NPAS3: variants seen among roughly 807,000 people sequenced by gnomAD.
The protein encoded by NPAS3 is neuronal PAS domain-containing protein 3.
Under a neutral mutation model 73.1 loss-of-function variants are expected in NPAS3, and 14 were observed. The observed-to-expected ratio is 0.19, with a 90% CI of 0.13 to 0.30. The LOEUF (loss-of-function observed/expected upper bound fraction) is 0.30, where lower values mean the gene tolerates loss of function less well. NPAS3 is among the 10% of genes least tolerant of loss of function. The pLI is 1.00. For synonymous variants in NPAS3, 620 were observed against 541.5 expected (o/e 1.14, Z -2.01); for missense variants, 1,096 against 1,250.0 (o/e 0.88, Z 1.86).
intron 3 of NPAS3, among the ~76,000 whole-genome samples, chr14:33,229,337 T>G (rs1162806260): frequency 6.6e-6 from 1 of 152,192 alleles, no homozygotes; most frequent in South Asian, 2.1e-4. Context: ...TGTGAAATCT[T>G]AATGTATGTA....
intron 5 of NPAS3, among the ~76,000 whole-genome samples, chr14:33,657,296 G>C (rs558374931): frequency 6.6e-6 from 1 of 152,210 alleles, no homozygotes; most frequent in South Asian, 2.1e-4. Context: ...GAGGAGAGAG[G>C]CCACATACAG....
In NPAS3 at chr14:33,800,796, G is replaced by T. The variant is rs2063689186; in HGVS notation, c.2489G>T (p.Arg830Leu). Residue 830 changes from arginine to leucine, a missense_variant, in exon 12 of 12, where the codon CGC becomes CTC. Physicochemically the swap from Arg to Leu is moderately radical, Grantham distance 102. Transcript: ENST00000356141. The surrounding 1 kb of genome is among the most constrained non-coding windows in gnomAD (Gnocchi z 6.5). ...AGGGTCTACACCACGGGCACCATCC[G>T]CTACGCGCCCGCCGAGGTGACCCTG... 3.1e-6 allele frequency: 5 copies of T among 1,590,208 alleles called. No homozygotes were observed. The highest frequency in any genetic ancestry group is 4.3e-6 in the Non-Finnish European group (5 of 1,169,420).
At chr14:33,684,207 C>A (rs915679360) in intron 6 of NPAS3, among the ~76,000 whole-genome samples, 4 of 139,954 alleles carry the variant, frequency 2.9e-5, no homozygotes, top group African/African-American at 1.1e-4. Flanking sequence ...CTCTTATGCA[C>A]GTATTTCATT....
chr14:33,565,892 T>A (rs943545190), intron 5 of NPAS3, among the ~76,000 whole-genome samples: 3 of 151,994 alleles, frequency 2.0e-5, no homozygotes, highest in Non-Finnish European at 4.4e-5. Context: ...TACCTTAATT[T>A]TTTTAAAAAA....
intron 5 of NPAS3, chr14:33,612,449 C>A (rs2057781469): frequency 2.2e-6 from 1 of 455,928 alleles, no homozygotes; most frequent in South Asian, 1.5e-5. Flanking sequence ...GACGTCCAAG[C>A]AGATGTTCTG....
intron 2 of NPAS3, among the ~76,000 whole-genome samples, chr14:33,102,559 GT>G (rs1310641201): frequency 1.3e-5 from 2 of 152,158 alleles, no homozygotes; most frequent in Non-Finnish European, 2.9e-5. Context: ...CCCAATAAAT[GT>G]TAACTGTTTG....
intron 7 of NPAS3, among the ~76,000 whole-genome samples, chr14:33,746,695 T>C (rs2061810807): frequency 6.6e-6 from 1 of 151,790 alleles, no homozygotes. Flanking sequence ...ATTAGAAAGG[T>C]TAAGTAACTG....
intron 4 of NPAS3, among the ~76,000 whole-genome samples, chr14:33,559,135 A>G (rs2055509289): frequency 6.6e-6 from 1 of 152,206 alleles, no homozygotes; most frequent in South Asian, 2.1e-4. Context: ...GATGATGTGT[A>G]GCATCCTTTT....
At chr14:33,787,988 G>A (rs1319525567) in intron 9 of NPAS3, among the ~76,000 whole-genome samples, 2 of 152,164 alleles carry the variant, frequency 1.3e-5, no homozygotes, top group Non-Finnish European at 2.9e-5. Context: ...AAGAAAGAAA[G>A]TCCTGTTTCC....
In NPAS3 at chr14:33,477,672, C is replaced by T. The variant is rs144373555; in HGVS notation, c.469-82449C>T. 7.2e-5 allele frequency among the ~76,000 whole-genome samples: 11 copies of T among 152,244 alleles called. 1 individual carries two copies. The highest frequency in any genetic ancestry group is 2.6e-4 in the African/African-American group (11 of 41,548). ...ACTTCGGATCCAAAAGCCAGAAAAT[C>T]GGAGCTTCTTAGTCTCTCCAAGTTC... On this transcript the variant is annotated intron_variant, in intron 4 of 11. Coordinates refer to ENST00000356141, the Ensembl canonical transcript of NPAS3.
intron 3 of NPAS3, among the ~76,000 whole-genome samples, chr14:33,267,223 A>G (rs2040858471): frequency 1.3e-5 from 2 of 152,320 alleles, no homozygotes; most frequent in East Asian, 1.9e-4. Flanking sequence ...TTCTTGGGGT[A>G]TTAAGAATAC....
intron 3 of NPAS3, among the ~76,000 whole-genome samples, chr14:33,361,835 A>AT (rs375724014): frequency 6.6e-5 from 10 of 151,884 alleles, no homozygotes; most frequent in East Asian, 1.9e-4. Context: ...AATACATGAG[A>AT]TTTTTTTTCT....
rs540825194 is a variant in NPAS3 at position 33,019,230 on chromosome 14, A to G, written c.51-36675A>G. Among the ~76,000 whole-genome samples the G allele has an allele frequency of 2.0e-5, 3 of 152,342 alleles. No individual in the cohort carries two copies. The South Asian group carries it at 6.2e-4, about 32-fold the overall frequency. On this transcript the variant is annotated intron_variant, in intron 1 of 11. Transcript: ENST00000356141. ...CAATGAAAGTTCTTGTTTGACCATA[A>G]CTGCACATCTCACTCCACAGGCAAT...
At chr14:33,293,791 T>C (rs2042190363) in intron 3 of NPAS3, among the ~76,000 whole-genome samples, 1 of 152,218 alleles carries the variant, frequency 6.6e-6, no homozygotes, top group Admixed American at 6.5e-5. Context: ...ATAATACTAA[T>C]TTTACTTCCA....
At chr14:33,425,929 A>T (rs1244874039) in intron 4 of NPAS3, among the ~76,000 whole-genome samples, 1 of 152,046 alleles carries the variant, frequency 6.6e-6, no homozygotes, top group Non-Finnish European at 1.5e-5. Flanking sequence ...GGTGGGACCT[A>T]GCAGTGTGTT....
chr14:33,357,988 TTAGTCTG>T (rs2140375313), intron 3 of NPAS3, among the ~76,000 whole-genome samples: 1 of 152,248 alleles, frequency 6.6e-6, no homozygotes, highest in East Asian at 1.9e-4. Context: ...CCCCAATCCT[TTAGTCTG>T]TGTAGTTGTC....
intron 3 of NPAS3, among the ~76,000 whole-genome samples, chr14:33,235,504 G>T (rs1226287976): frequency 2.6e-5 from 4 of 151,908 alleles, no homozygotes; most frequent in Admixed American, 2.6e-4. Context: ...ATCCTCTTTG[G>T]TGTTCTCTGA....
intron 7 of NPAS3, among the ~76,000 whole-genome samples, chr14:33,739,145 T>G (rs541350169): frequency 6.6e-6 from 1 of 152,316 alleles, no homozygotes; most frequent in Admixed American, 6.5e-5. Context: ...GTCATGTTTA[T>G]ATAATGCTCG....
chr14:33,544,825 A>ATATATATATTTTATATATATATATATAAT, intron 4 of NPAS3, among the ~76,000 whole-genome samples: 1 of 112,190 alleles, frequency 8.9e-6, no homozygotes, highest in Non-Finnish European at 1.7e-5. Flanking sequence ...TATATAATAT[A>ATATATATATTTTATATATATATATATAAT]TATGTGTATA....
Sources: gnomAD v4.1 joint callset for allele counts (sites outside exome capture counted in the v4.1 genomes callset) on GRCh38, gnomAD v4.1.1 for gene constraint, Gnocchi (gnomAD v3.1) non-coding constraint, MANE v1.5 for transcripts, NCBI Gene and HGNC (gene_info 2026-07-23, HGNC 2026-07-21) for gene names.